Variants in HHAT observed in about 807,000 individuals in gnomAD.
The protein encoded by HHAT is protein-cysteine N-palmitoyltransferase HHAT.
A neutral mutation model predicts 70.8 loss-of-function variants in HHAT; 47 were observed. The ratio of observed to expected loss-of-function variants is 0.66; its 90% CI spans 0.53 to 0.85. The LOEUF (loss-of-function observed/expected upper bound fraction) is 0.85. Among genes scored for constraint, HHAT ranks in the 40% least tolerant of loss-of-function variants. HHAT has a pLI of 0.00. For missense variants in HHAT, 609 were observed against 604.8 expected, an observed-to-expected ratio of 1.01 and a Z score of -0.07; for synonymous variants, 228 against 247.6, an observed-to-expected ratio of 0.92 and a Z score of 0.74.
intron 9 of HHAT, among the ~76,000 whole-genome samples, chr1:210,526,391 A>C (rs1259494810): frequency 8.6e-6 from 1 of 116,084 alleles, no homozygotes. Context: ...CACTGAGATA[A>C]CTAATATACT....
intron 7 of HHAT, among the ~76,000 whole-genome samples, chr1:210,450,299 G>GA (rs895771381): frequency 2.0e-5 from 3 of 150,812 alleles, no homozygotes; most frequent in African/African-American, 7.3e-5. Context: ...TCAGGTGGGG[G>GA]GGGTGGGAAA....
At chr1:210,647,571 C>G (rs977749703) in intron 11 of HHAT, among the ~76,000 whole-genome samples, 1 of 152,112 alleles carries the variant, frequency 6.6e-6, no homozygotes, top group South Asian at 2.1e-4. Flanking sequence ...TCCCACCGCC[C>G]CCAGCCCTGT....
At chr1:210,548,751 A>G (rs2095504517) in intron 9 of HHAT, among the ~76,000 whole-genome samples, 1 of 152,226 alleles carries the variant, frequency 6.6e-6, no homozygotes, top group East Asian at 1.9e-4. Flanking sequence ...TTACAGAAGC[A>G]TATGGAATTC....
chr1:210,456,371 C>T (rs2093868474), intron 7 of HHAT, among the ~76,000 whole-genome samples: 1 of 152,130 alleles, frequency 6.6e-6, no homozygotes, highest in African/African-American at 2.4e-5. Flanking sequence ...CTTTGCATTT[C>T]CTGGAAGCAG....
intron 6 of HHAT, among the ~76,000 whole-genome samples, chr1:210,415,653 G>C (rs990383685): frequency 2.0e-5 from 3 of 150,618 alleles, no homozygotes; most frequent in Non-Finnish European, 4.5e-5. Context: ...AATTCCTGTT[G>C]TACCAATTTT....
intron 10 of HHAT, among the ~76,000 whole-genome samples, chr1:210,617,210 A>G (rs890681751): frequency 2.3e-4 from 35 of 152,258 alleles, no homozygotes; most frequent in African/African-American, 8.2e-4. Context: ...ATGGAAGCCC[A>G]TGTTATGTTT....
chr1:210,619,216 G>T (rs1004335435), intron 10 of HHAT, among the ~76,000 whole-genome samples: 2 of 152,100 alleles, frequency 1.3e-5, no homozygotes, highest in African/African-American at 4.8e-5. Context: ...GTACCGTAGA[G>T]ACCATGTGGA....
At chr1:210,477,194 A>G (rs75198693) in intron 8 of HHAT, among the ~76,000 whole-genome samples, 2,110 of 152,270 alleles carry the variant, frequency 0.014, 57 homozygotes, top group African/African-American at 0.048. Context: ...GAGGTAAGGA[A>G]TCAGGGAAGC....
At chr1:210,454,606 A>G (rs1396933312) in intron 7 of HHAT, among the ~76,000 whole-genome samples, 2 of 152,114 alleles carry the variant, frequency 1.3e-5, no homozygotes, top group African/African-American at 4.8e-5. Flanking sequence ...TTGCCTGGCT[A>G]TGTGTGTGGA....
intron 3 of HHAT, among the ~76,000 whole-genome samples, chr1:210,375,277 A>G (rs1053720822): frequency 7.1e-6 from 1 of 141,438 alleles, no homozygotes; most frequent in Non-Finnish European, 1.5e-5. Flanking sequence ...TTTTAAATAT[A>G]TATGTATGTG....
chr1:210,646,250 C>G (rs1322791447), intron 11 of HHAT, among the ~76,000 whole-genome samples: 2 of 152,262 alleles, frequency 1.3e-5, no homozygotes, highest in South Asian at 2.1e-4. Flanking sequence ...AGCAGCTGGA[C>G]TTTAAGGCCT....
chr1:210,381,280 T>A (rs185975088), intron 3 of HHAT, among the ~76,000 whole-genome samples: 9,002 of 151,812 alleles, frequency 0.059, 281 homozygotes, highest in South Asian at 0.083. Flanking sequence ...TTAAAAAAAT[T>A]TTTTACTTTT....
chr1:210,649,966 T>G (rs1200334313), intron 11 of HHAT, among the ~76,000 whole-genome samples: 1 of 152,196 alleles, frequency 6.6e-6, no homozygotes, highest in East Asian at 1.9e-4. Flanking sequence ...AGTGTTAGGC[T>G]TCAGGAAAGC....
chr1:210,459,334 C>T (rs544878844), intron 7 of HHAT, among the ~76,000 whole-genome samples: 4 of 152,124 alleles, frequency 2.6e-5, no homozygotes, highest in South Asian at 2.1e-4. Flanking sequence ...CTTCCTACTG[C>T]GGTATAAGGT....
At chr1:210,487,044 G>A (rs2094483085) in intron 8 of HHAT, among the ~76,000 whole-genome samples, 1 of 152,168 alleles carries the variant, frequency 6.6e-6, no homozygotes, top group Non-Finnish European at 1.5e-5. Flanking sequence ...CCTGTGATGT[G>A]GTTTTTCAGA....
intron 6 of HHAT, among the ~76,000 whole-genome samples, chr1:210,410,664 T>C (rs972923535): frequency 6.6e-6 from 1 of 151,498 alleles, no homozygotes; most frequent in Admixed American, 6.6e-5. Flanking sequence ...GTAGCTGGGA[T>C]TACAGGCACC....
At chr1:210,527,237 CCCCTGGAAGCGTCAGGTGCT>C (rs2095261253) in intron 9 of HHAT, among the ~76,000 whole-genome samples, 1 of 152,080 alleles carries the variant, frequency 6.6e-6, no homozygotes, top group Non-Finnish European at 1.5e-5. Context: ...AGCTCAGACT[CCCCTGGAAGCGTCAGGTGCT>C]CCCTTGCAGC....
At chr1:210,528,466 T>C (rs1268281442) in intron 9 of HHAT, among the ~76,000 whole-genome samples, 1 of 152,204 alleles carries the variant, frequency 6.6e-6, no homozygotes, top group East Asian at 1.9e-4. Flanking sequence ...TGCTAAGCAA[T>C]AGCCTGGAAA....
intron 8 of HHAT, among the ~76,000 whole-genome samples, chr1:210,475,687 A>G (rs1363634396): frequency 6.6e-6 from 1 of 152,196 alleles, no homozygotes; most frequent in African/African-American, 2.4e-5. Flanking sequence ...TCTTGATGAC[A>G]TATTCTTCTT....
Sources: gnomAD v4.1 joint callset for allele counts (sites outside exome capture counted in the v4.1 genomes callset) on GRCh38, gnomAD v4.1.1 for gene constraint, MANE v1.5 for transcripts, NCBI Gene and HGNC (gene_info 2026-07-23, HGNC 2026-07-21) for gene names.